Variants in NBEA observed in about 807,000 individuals in gnomAD.
NBEA encodes neurobeachin.
Under a neutral mutation model 343.4 loss-of-function variants are expected in NBEA, and 44 were observed. The observed-to-expected ratio is 0.13, with a 90% confidence interval of 0.10 to 0.16. The LOEUF is 0.16. Ranked by LOEUF, NBEA falls within the 10% of genes least tolerant of loss-of-function variation. NBEA has a pLI of 1.00. For synonymous variants in NBEA, 1,175 were observed against 1,238.7 expected (o/e 0.95, Z 1.08); for missense variants, 2,555 against 3,631.3 (o/e 0.70, Z 7.62).
intron 39 of NBEA, among the ~76,000 whole-genome samples, chr13:35,439,936 A>G (rs1364926965): frequency 6.6e-6 from 1 of 152,010 alleles, no homozygotes; most frequent in Admixed American, 6.6e-5. Flanking sequence ...CTGGAGTGCA[A>G]TGGTGCGATC....
At chr13:35,297,111 TTC>T (rs771620790) in intron 35 of NBEA, among the ~76,000 whole-genome samples, 8 of 152,020 alleles carry the variant, frequency 5.3e-5, no homozygotes, top group Non-Finnish European at 1.0e-4. Flanking sequence ...TTATTCAGCA[TTC>T]TCTCTTTTTT....
intron 55 of NBEA, among the ~76,000 whole-genome samples, chr13:35,664,340 G>C (rs1387130335): frequency 1.3e-5 from 2 of 152,132 alleles, no homozygotes; most frequent in African/African-American, 4.8e-5. Context: ...AGGGGATCGG[G>C]GGTGGTTACC....
intron 1 of NBEA, among the ~76,000 whole-genome samples, chr13:34,943,692 C>T (rs562906832): frequency 6.6e-6 from 1 of 152,190 alleles, no homozygotes; most frequent in Admixed American, 6.5e-5. Context: ...TATCCATCCC[C>T]CTCCATCTCA....
intron 38 of NBEA, among the ~76,000 whole-genome samples, chr13:35,429,800 CGTGTGTGTGTGTGTGTGTGT>C (rs60362511): frequency 7.1e-6 from 1 of 140,200 alleles, no homozygotes; most frequent in Non-Finnish European, 1.5e-5. Context: ...GAGTCCCCAA[CGTGTGTGTGTGTGTGTGTGT>C]GTGTGTGTGT....
intron 41 of NBEA, among the ~76,000 whole-genome samples, chr13:35,492,162 A>G (rs966961338): frequency 7.9e-5 from 12 of 151,956 alleles, no homozygotes; most frequent in Non-Finnish European, 7.4e-5. Flanking sequence ...CAAAGGCATA[A>G]CAATGACACA....
chr13:35,583,798 C>T, intron 45 of NBEA, 100 bp from the exon 46 acceptor site: 1 of 862,796 alleles, frequency 1.2e-6, no homozygotes, highest in Non-Finnish European at 1.8e-6. Flanking sequence ...TGCTGTATGG[C>T]TAAAATGAAT....
At chr13:35,055,108 A>G (rs946057618) in intron 6 of NBEA, among the ~76,000 whole-genome samples, 6 of 152,198 alleles carry the variant, frequency 3.9e-5, no homozygotes, top group African/African-American at 1.4e-4. Flanking sequence ...TCTGTAGAAC[A>G]AAGTTTGTAT....
At chr13:35,448,420 A>G (rs927708348) in intron 39 of NBEA, among the ~76,000 whole-genome samples, 2 of 152,210 alleles carry the variant, frequency 1.3e-5, no homozygotes, top group Non-Finnish European at 2.9e-5. Context: ...ATGTAAATAC[A>G]TATATTCTCC....
In NBEA at chr13:34,968,931, A is replaced by ATTGATTATTAATGTGTTTTAATATCAG. The variant is rs2059913324; in HGVS notation, c.294+25821_294+25822insTTATTAATGTGTTTTAATATCAGTTGA. On this transcript the variant is annotated intron_variant, in intron 1 of 58. Transcript: ENST00000379939. ...TGATTATTAATGTGTTTTAATATCA[A>ATTGATTATTAATGTGTTTTAATATCAG]TTGAGAAGGACTTCAGTTAAGTCCT... Among the ~76,000 whole-genome samples, 3 of 152,108 alleles carry ATTGATTATTAATGTGTTTTAATATCAG rather than the reference A, an allele frequency of 2.0e-5. No homozygotes were observed. The South Asian group carries it at 6.2e-4, about 32-fold the overall frequency.
intron 8 of NBEA, among the ~76,000 whole-genome samples, chr13:35,061,759 G>A (rs2063475214): frequency 6.6e-6 from 1 of 151,654 alleles, no homozygotes; most frequent in African/African-American, 2.4e-5. Context: ...ATGGAGGGGT[G>A]AGCTCCTAAC....
At chr13:35,198,604 G>A (rs531912494) in intron 31 of NBEA, among the ~76,000 whole-genome samples, 1 of 152,218 alleles carries the variant, frequency 6.6e-6, no homozygotes, top group African/African-American at 2.4e-5. Flanking sequence ...AAATGCAGTA[G>A]GAGTGGAATC....
intron 39 of NBEA, among the ~76,000 whole-genome samples, chr13:35,446,145 C>T (rs1398149124): frequency 6.6e-6 from 1 of 152,082 alleles, no homozygotes; most frequent in East Asian, 1.9e-4. Flanking sequence ...AGGACATGAA[C>T]TCATCCTTTT....
chr13:35,107,756 A>G (rs2065987265), intron 11 of NBEA, among the ~76,000 whole-genome samples: 1 of 151,996 alleles, frequency 6.6e-6, no homozygotes, highest in South Asian at 2.1e-4. Flanking sequence ...TAAATGACTA[A>G]AAGTCTTGAG....
Position 35,308,449 on chromosome 13 carries a change from T to C in NBEA, c.5839-1079T>C, listed in dbSNP as rs9530436. Among the ~76,000 whole-genome samples, 23 of 107,516 alleles carry C rather than the reference T, an allele frequency of 2.1e-4. No homozygotes were observed. The South Asian group carries it at 2.4e-3, about 11-fold the overall frequency. 70.5% of individuals were successfully genotyped at this position (107,516 alleles called of 152,430 possible). The stretch of plus-strand genomic sequence containing the variant: ...AACACTGCTATTTACTATATATATA[T>C]ATATATATATATATATATATATATG... On this transcript the variant is annotated intron_variant, in intron 35 of 58. Transcript: ENST00000379939.
At chr13:34,946,404 T>G (rs2152479703) in intron 1 of NBEA, among the ~76,000 whole-genome samples, 1 of 152,280 alleles carries the variant, frequency 6.6e-6, no homozygotes, top group East Asian at 1.9e-4. Flanking sequence ...GTGTTATTGT[T>G]GCTTATAACA....
chr13:35,535,324 T>G (rs749278445), intron 41 of NBEA, among the ~76,000 whole-genome samples: 6 of 152,230 alleles, frequency 3.9e-5, no homozygotes, highest in Non-Finnish European at 5.9e-5. Flanking sequence ...TTGTTTTGTT[T>G]TGTTTTTTAT....
chr13:35,008,794 A>G (rs1039899851), intron 1 of NBEA, among the ~76,000 whole-genome samples: 6 of 152,158 alleles, frequency 3.9e-5, no homozygotes, highest in African/African-American at 9.7e-5. Flanking sequence ...TCTACTTAAT[A>G]TATTTGGCCT....
At chr13:35,425,632 G>A (rs1456858331) in intron 38 of NBEA, among the ~76,000 whole-genome samples, 1 of 152,172 alleles carries the variant, frequency 6.6e-6, no homozygotes, top group Non-Finnish European at 1.5e-5. Context: ...CGTTGATTTG[G>A]GGTGGACAGT....
At chr13:35,537,681 GA>G (rs761773553) in intron 41 of NBEA, among the ~76,000 whole-genome samples, 3 of 152,014 alleles carry the variant, frequency 2.0e-5, no homozygotes, top group Admixed American at 6.6e-5. Flanking sequence ...GAGTAGAAGT[GA>G]ACTTGGCAAA....
Sources: gnomAD v4.1 joint callset for allele counts (sites outside exome capture counted in the v4.1 genomes callset) on GRCh38, gnomAD v4.1.1 for gene constraint, MANE v1.5 for transcripts, NCBI Gene and HGNC (gene_info 2026-07-23, HGNC 2026-07-21) for gene names.